Variants in DAB1 observed in about 807,000 individuals in gnomAD.
DAB1 encodes the protein DAB adaptor protein 1.
A neutral mutation model predicts 64.6 loss-of-function variants in DAB1; 15 were observed. The ratio of observed to expected loss-of-function variants is 0.23; its 90% CI spans 0.16 to 0.36. The LOEUF (loss-of-function observed/expected upper bound fraction) is 0.36. Among genes scored for constraint, DAB1 ranks in the 10% least tolerant of loss-of-function variants. The pLI is 1.00. For missense variants in DAB1, 596 were observed against 706.7 expected, an observed-to-expected ratio of 0.84 and a Z score of 1.78; for synonymous variants, 235 against 251.9, an observed-to-expected ratio of 0.93 and a Z score of 0.64.
intron 4 of DAB1, among the ~76,000 whole-genome samples, chr1:57,110,035 TA>T (rs1389578004): frequency 6.6e-6 from 1 of 152,106 alleles, no homozygotes; most frequent in Non-Finnish European, 1.5e-5. Flanking sequence ...ACAGGAGACA[TA>T]ACGAGATCAA....
chr1:58,533,290 A>C (rs566344023), intron 1 of DAB1, among the ~76,000 whole-genome samples: 1 of 152,356 alleles, frequency 6.6e-6, no homozygotes, highest in South Asian at 2.1e-4. Flanking sequence ...CTGGACTAAC[A>C]TACAGAAGAC....
intron 2 of DAB1, among the ~76,000 whole-genome samples, chr1:58,521,801 T>C (rs1646268803): frequency 6.6e-6 from 1 of 152,160 alleles, no homozygotes; most frequent in South Asian, 2.1e-4. Flanking sequence ...TTCAGGCCCA[T>C]ATGGCTTTAC....
At chr1:58,333,639 A>G (rs1275999833) in intron 4 of DAB1, among the ~76,000 whole-genome samples, 1 of 152,250 alleles carries the variant, frequency 6.6e-6, no homozygotes, top group Non-Finnish European at 1.5e-5. Context: ...TGAACAGTGG[A>G]CCAAGTATTT....
chr1:57,486,567 T>C (rs1217589490), intron 7 of DAB1, among the ~76,000 whole-genome samples: 1 of 152,192 alleles, frequency 6.6e-6, no homozygotes. Flanking sequence ...TGAGGGGAAT[T>C]TTACTCAAAG....
chr1:58,329,018 T>A (rs1405817136), intron 4 of DAB1, among the ~76,000 whole-genome samples: 1 of 152,250 alleles, frequency 6.6e-6, no homozygotes. Context: ...TAGTGTTGTA[T>A]GTGCTTGGTT....
intron 3 of DAB1, among the ~76,000 whole-genome samples, chr1:58,371,440 A>G (rs1284770454): frequency 6.6e-6 from 1 of 152,226 alleles, no homozygotes; most frequent in South Asian, 2.1e-4. Flanking sequence ...ATTGGAACTT[A>G]CGTTTAAAGA....
chr1:57,315,523 G>A (rs1246772468), intron 1 of DAB1, among the ~76,000 whole-genome samples: 4 of 152,044 alleles, frequency 2.6e-5, no homozygotes, highest in Non-Finnish European at 5.9e-5. Flanking sequence ...TTTTTTCTGC[G>A]ACGGAGTCTC....
chr1:57,388,171 T>C (rs1418516983), intron 1 of DAB1, among the ~76,000 whole-genome samples: 1 of 152,224 alleles, frequency 6.6e-6, no homozygotes, highest in Admixed American at 6.5e-5. Context: ...CAAATGTGAT[T>C]ATTTCTCCTT....
At chr1:57,178,550 T>C (rs1662578412) in intron 2 of DAB1, among the ~76,000 whole-genome samples, 1 of 152,190 alleles carries the variant, frequency 6.6e-6, no homozygotes, top group African/African-American at 2.4e-5. Flanking sequence ...TATTCATGAA[T>C]TTATTTATTT....
intron 2 of DAB1, among the ~76,000 whole-genome samples, chr1:57,285,631 CT>C (rs1672253973): frequency 6.6e-6 from 1 of 152,140 alleles, no homozygotes; most frequent in Non-Finnish European, 1.5e-5. Flanking sequence ...ACACAAACCC[CT>C]CCCTTTAAAG....
At chr1:57,123,530 A>G (rs894052000) in intron 4 of DAB1, among the ~76,000 whole-genome samples, 1 of 152,190 alleles carries the variant, frequency 6.6e-6, no homozygotes, top group African/African-American at 2.4e-5. Context: ...ACAACTTTTT[A>G]GAATATAATT....
intron 9 of DAB1, among the ~76,000 whole-genome samples, chr1:57,047,650 G>A (rs1648685225): frequency 6.6e-6 from 1 of 152,164 alleles, no homozygotes; most frequent in African/African-American, 2.4e-5. Context: ...CATAACTCGG[G>A]AAAATAATTT....
chr1:58,494,158 G>A (rs1406897024), intron 3 of DAB1, among the ~76,000 whole-genome samples: 1 of 152,214 alleles, frequency 6.6e-6, no homozygotes, highest in Non-Finnish European at 1.5e-5. Context: ...ACAAAAATAA[G>A]AAATGGGGAA....
At chr1:57,940,307 G>T (rs1346871220) in intron 5 of DAB1, among the ~76,000 whole-genome samples, 2 of 152,174 alleles carry the variant, frequency 1.3e-5, no homozygotes, top group Non-Finnish European at 2.9e-5. Context: ...AAAGAAATTA[G>T]AAATTTCAAG....
intron 14 of DAB1, among the ~76,000 whole-genome samples, chr1:56,998,706 G>A (rs1645728635): frequency 6.6e-6 from 1 of 152,176 alleles, no homozygotes; most frequent in African/African-American, 2.4e-5. Context: ...GAAACAGCAA[G>A]TGTGTCTTTG....
chr1:58,317,613 C>A (rs747345776), intron 4 of DAB1, among the ~76,000 whole-genome samples: 4 of 152,162 alleles, frequency 2.6e-5, no homozygotes, highest in Non-Finnish European at 5.9e-5. Context: ...AGATGCAACC[C>A]GAAGGAACTG....
At chr1:57,987,362 T>C (rs1294017979) in intron 5 of DAB1, among the ~76,000 whole-genome samples, 1 of 152,206 alleles carries the variant, frequency 6.6e-6, no homozygotes, top group Non-Finnish European at 1.5e-5. Flanking sequence ...GGTATTTCAC[T>C]GATATGATCT....
chr1:57,830,706 TTAAA>T (rs1557504886), intron 1 of DAB1, among the ~76,000 whole-genome samples: 2 of 152,168 alleles, frequency 1.3e-5, no homozygotes, highest in Admixed American at 6.5e-5. Flanking sequence ...ACTTGGCTCT[TTAAA>T]TAGTCTCTAA....
intron 5 of DAB1, among the ~76,000 whole-genome samples, chr1:57,999,352 C>T (rs548845577): frequency 6.6e-6 from 1 of 152,308 alleles, no homozygotes; most frequent in South Asian, 2.1e-4. Flanking sequence ...GTTAGGAATG[C>T]ACATTCTCAG....
Sources: allele counts gnomAD v4.1 joint callset (sites outside exome capture counted in the v4.1 genomes callset), GRCh38; gene constraint gnomAD v4.1.1; transcripts MANE v1.5; gene names NCBI Gene and HGNC (gene_info 2026-07-23, HGNC 2026-07-21).